SCARB1: variants seen among roughly 807,000 people sequenced by gnomAD.
SCARB1 encodes CD36 and LIMPII analogous 1.
A neutral mutation model predicts 57.2 loss-of-function variants in SCARB1; 30 were observed. The ratio of observed to expected loss-of-function variants is 0.52; its 90% confidence interval spans 0.39 to 0.71. SCARB1 has a LOEUF of 0.71. SCARB1 is among the 30% of genes least tolerant of loss of function. The pLI is 0.00. For synonymous variants in SCARB1, 249 were observed against 268.3 expected (o/e 0.93, Z 0.70); for missense variants, 543 against 671.2 (o/e 0.81, Z 2.11).
chr12:124,851,613 T>TC (rs1422010214), intron 1 of SCARB1, among the ~76,000 whole-genome samples: 2 of 150,152 alleles, frequency 1.3e-5, no homozygotes, highest in African/African-American at 4.9e-5. Flanking sequence ...ATTCCATTTT[T>TC]TTTTTTTTTT....
At chr12:124,813,644 G>C (rs569409546) in intron 4 of SCARB1, among the ~76,000 whole-genome samples, 1 of 152,116 alleles carries the variant, frequency 6.6e-6, no homozygotes, top group Non-Finnish European at 1.5e-5. Flanking sequence ...ACAGGAGCCC[G>C]TCACCCTTGA....
intron 1 of SCARB1, among the ~76,000 whole-genome samples, chr12:124,837,573 GA>G (rs1566232207): frequency 0.055 from 3,542 of 64,734 alleles, 486 homozygotes; most frequent in Admixed American, 0.29. Context: ...GAAAAGAAAA[GA>G]AAAGAAAAGA....
chr12:124,816,078 C>G (rs1161836730), intron 2 of SCARB1, among the ~76,000 whole-genome samples: 1 of 152,172 alleles, frequency 6.6e-6, no homozygotes, highest in African/African-American at 2.4e-5. Flanking sequence ...CTCTGTCTCC[C>G]CAGGGCCTCT....
chr12:124,795,426 G>T (rs1400780591), intron 8 of SCARB1, among the ~76,000 whole-genome samples, 158 bp from the exon 9 acceptor site: 5 of 152,142 alleles, frequency 3.3e-5, no homozygotes, highest in Non-Finnish European at 7.4e-5. Context: ...CAGGCTGGGG[G>T]GGGTCAACAG....
rs10846738 is a variant in SCARB1, at chr12:124,812,364, G to A, written c.631-399C>T. ...AAGGACTGTGCACACGCCTTTCACC[G>A]GGCTCTCTGCCGCTGCTATAGCAGC... On this transcript the variant is annotated intron_variant, in intron 4 of 12. Transcript: ENST00000261693. The surrounding 1 kb of genome is among the most constrained non-coding windows in gnomAD (Gnocchi z 4.3). Among the ~76,000 whole-genome samples, 9,636 of 152,228 alleles carry A rather than the reference G, an allele frequency of 0.063. 909 individuals carry two copies. The highest frequency in any genetic ancestry group is 0.39 in the East Asian group (2,026 of 5,174).
At position 124,820,726 on chromosome 12, in the gene SCARB1, G is replaced by A. The variant is rs145425488; in HGVS notation, c.127-3019C>T. Among the ~76,000 whole-genome samples, 133 of 152,236 alleles carry A rather than the reference G, an allele frequency of 8.7e-4. 2 individuals carry two copies. Among genetic ancestry groups the A allele is most frequent in the East Asian group, 6.6e-3 (34 of 5,174 alleles). On this transcript the variant is annotated intron_variant, in intron 1 of 12. Coordinates refer to ENST00000261693, the MANE Select transcript of SCARB1 (RefSeq NM_005505.5). ...ATAGAAAACACAGCATCAAAACCCA[G>A]AACCCTGGAAAATGTGTTCGGGGAG... is the stretch of plus-strand genomic sequence containing the variant.
In SCARB1 at chr12:124,814,126, G is replaced by A. The variant is rs754191885; in HGVS notation, c.630+76C>T. ...CCAGCCAGCTACAAAGCAAGCTGGT[G>A]ACCAGTGTCCAGGCTGTGTGAGGGG... On this transcript the variant is annotated intron_variant, in intron 4 of 12. Transcript: ENST00000261693. This position sits in a 1 kb window ranked among gnomAD's most constrained non-coding sequence, Gnocchi z 4.7. 1.0e-5 allele frequency: 14 copies of A among 1,375,612 alleles called. No individual in the cohort carries two copies. The highest frequency in any genetic ancestry group is 1.5e-5 in the Non-Finnish European group (14 of 963,900). 85.2% of individuals were successfully genotyped at this position (1,375,612 alleles called of 1,614,324 possible).
At position 124,805,525 on chromosome 12, in the gene SCARB1, G is replaced by A. The variant is rs145079162; in HGVS notation, c.1009+2236C>T. The stretch of plus-strand genomic sequence containing the variant: ...TGGGAGTTTGGACTTCACTATGAAT[G>A]CAGACAGAGCTGCCAGACATTTTAA... On this transcript the variant is annotated intron_variant, in intron 7 of 12. Transcript: ENST00000261693. Among the ~76,000 whole-genome samples, 6 of 152,204 alleles carry A rather than the reference G, an allele frequency of 3.9e-5. No individual in the cohort carries two copies. In the East Asian group the frequency reaches 1.2e-3, roughly 29 times the overall value.
rs199754614 is a variant in SCARB1 at position 124,817,705 on chromosome 12, G to A, written c.129C>T (p.Asn43=). 259 of 1,614,124 alleles carry A rather than the reference G, an allele frequency of 1.6e-4. No homozygotes were observed. Among genetic ancestry groups the A allele is most frequent in the Admixed American group, 3.2e-4 (19 of 60,026 alleles). ...PSLIKQQVLK[N]VRIDPSSLSF... is the part of the protein sequence containing the mutation. Reference sequence around the variant, plus strand: ...ACAGGCTACTGGGGTCGATGCGCACGTTCTGCAGGGGAAGGGACAAGTACG... The same window carrying A: ...ACAGGCTACTGGGGTCGATGCGCACATTCTGCAGGGGAAGGGACAAGTACG... Residue 43 remains asparagine (N), a splice_region_variant and synonymous_variant, in exon 2 of 13, where the codon AAC becomes AAT. Transcript: ENST00000261693. The surrounding 1 kb of genome is among the most constrained non-coding windows in gnomAD (Gnocchi z 4.8).
intron 1 of SCARB1, among the ~76,000 whole-genome samples, chr12:124,836,643 A>C (rs1302759328): frequency 1.3e-5 from 2 of 151,904 alleles, no homozygotes; most frequent in Non-Finnish European, 2.9e-5. Flanking sequence ...AATGTTTAAA[A>C]ATTTGCCAAA....
chr12:124,827,215 C>T (rs1053099084), intron 1 of SCARB1, among the ~76,000 whole-genome samples: 2 of 151,954 alleles, frequency 1.3e-5, no homozygotes, highest in African/African-American at 4.8e-5. Context: ...CCGAGCTCCC[C>T]GAAAAAGAAA....
At position 124,781,910 on chromosome 12, in the gene SCARB1, AGTTTT is replaced by A. The variant is rs1473324615; in HGVS notation, c.*768_*772del. 3.7e-3 allele frequency among the ~76,000 whole-genome samples: 567 copies of A among 151,490 alleles called. 4 individuals are homozygous for A. The highest frequency in any genetic ancestry group is 0.013 in the African/African-American group (524 of 41,284). Reference sequence around the variant, plus strand: ...ATGTATTTATTTATTTATTTATTTTAGTTTTATTTTTTTGAGACGGAGTCTCACTC... The same window carrying A: ...ATGTATTTATTTATTTATTTATTTTAATTTTTTTGAGACGGAGTCTCACTC... On this transcript the variant is annotated intron_variant, in intron 12 of 12. Coordinates refer to ENST00000261693, the MANE Select transcript of SCARB1 (RefSeq NM_005505.5).
intron 9 of SCARB1, among the ~76,000 whole-genome samples, chr12:124,793,219 A>G (rs1185169680): frequency 1.3e-5 from 2 of 152,198 alleles, no homozygotes; most frequent in East Asian, 1.9e-4. Flanking sequence ...ACATTCCTGC[A>G]ACCCAGGGAT....
chr12:124,845,385 C>T (rs986778328), intron 1 of SCARB1, among the ~76,000 whole-genome samples: 3 of 152,140 alleles, frequency 2.0e-5, no homozygotes, highest in African/African-American at 7.2e-5. Flanking sequence ...CCACACATTG[C>T]ATGATTTCAT....
intron 7 of SCARB1, among the ~76,000 whole-genome samples, chr12:124,803,220 C>T (rs1950194678): frequency 6.6e-6 from 1 of 152,166 alleles, no homozygotes; most frequent in African/African-American, 2.4e-5. Context: ...GCATCCAGGG[C>T]CTGTCCTGTC....
At chr12:124,821,244 ACACACACACACACACG>A in intron 1 of SCARB1, 1 of 278,570 alleles carries the variant, frequency 3.6e-6, no homozygotes, top group Non-Finnish European at 5.4e-6. Flanking sequence ...TCTCACACAC[ACACACACACACACACG>A]CACACACACG....
chr12:124,819,950 C>T (rs140705947), intron 1 of SCARB1, among the ~76,000 whole-genome samples: 5 of 152,272 alleles, frequency 3.3e-5, no homozygotes, highest in African/African-American at 7.2e-5. Context: ...ACCTACGTGG[C>T]GTGTCAATGA....
chr12:124,839,337 C>G (rs898316293), intron 1 of SCARB1: 4 of 443,764 alleles, frequency 9.0e-6, no homozygotes, highest in South Asian at 3.1e-5. Context: ...TTATTTCACT[C>G]GCATAACTTC....
rs114286460 is a variant in SCARB1, at chr12:124,812,430, A to G, written c.631-465T>C. On this transcript the variant is annotated intron_variant, in intron 4 of 12. Coordinates refer to ENST00000261693, the MANE Select transcript of SCARB1 (RefSeq NM_005505.5). This position sits in a 1 kb window ranked among gnomAD's most constrained non-coding sequence, Gnocchi z 4.3. ...CAAGACAGAGCCTCCCTCAGCCTGG[A>G]TCCCCAAGTGACCACCACAAGCGCG... 5.5e-4 allele frequency among the ~76,000 whole-genome samples: 84 copies of G among 152,292 alleles called. No individual in the cohort carries two copies. Among genetic ancestry groups the G allele is most frequent in the African/African-American group, 2.0e-3 (83 of 41,550 alleles).
Sources: allele counts gnomAD v4.1 joint callset (sites outside exome capture counted in the v4.1 genomes callset), GRCh38; gene constraint gnomAD v4.1.1; non-coding constraint Gnocchi (gnomAD v3.1); transcripts MANE v1.5; gene names NCBI Gene and HGNC (gene_info 2026-07-23, HGNC 2026-07-21).